CCDC171: variants seen among roughly 807,000 people sequenced by gnomAD.
CCDC171 encodes the protein coiled-coil domain-containing protein 171.
Under a neutral mutation model 168.2 loss-of-function variants are expected in CCDC171, and 177 were observed. The observed-to-expected ratio is 1.05, with a 90% confidence interval of 0.93 to 1.19. The LOEUF is 1.19. Ranked by LOEUF, CCDC171 falls within the 50% of genes most tolerant of loss-of-function variation. The pLI, the probability that CCDC171 is intolerant of heterozygous loss-of-function variation, is 0.00. For synonymous variants in CCDC171, 687 were observed against 540.8 expected, an observed-to-expected ratio of 1.27 and a Z score of -3.75; for missense variants, 1,991 against 1,539.0, an observed-to-expected ratio of 1.29 and a Z score of -4.91.
At chr9:15,614,882 A>G (rs943272066) in intron 6 of CCDC171, among the ~76,000 whole-genome samples, 4 of 152,212 alleles carry the variant, frequency 2.6e-5, no homozygotes, top group Non-Finnish European at 2.9e-5. Flanking sequence ...AGTAGAAAAT[A>G]GAAAAGCTGA....
chr9:16,048,035 T>C (rs1264810639), intron 1 of CCDC171, among the ~76,000 whole-genome samples: 2 of 152,178 alleles, frequency 1.3e-5, no homozygotes, highest in African/African-American at 4.8e-5. Context: ...CAGTGGCAAG[T>C]TGGCTCAAAG....
chr9:15,807,613 C>T (rs2059138997), intron 21 of CCDC171, among the ~76,000 whole-genome samples: 1 of 151,984 alleles, frequency 6.6e-6, no homozygotes, highest in South Asian at 2.1e-4. Flanking sequence ...CTGGAAATTG[C>T]TTACTACTTT....
At chr9:16,079,025 T>G in the CCDC171 span, among the ~76,000 whole-genome samples, 8 of 152,228 alleles carry the variant, frequency 5.3e-5, no homozygotes, top group African/African-American at 1.9e-4. Context: ...AATGGTTAAA[T>G]TGCTTTGTAC....
At chr9:15,760,689 A>C (rs911636658) in intron 18 of CCDC171, among the ~76,000 whole-genome samples, 4 of 152,126 alleles carry the variant, frequency 2.6e-5, no homozygotes, top group Non-Finnish European at 4.4e-5. Context: ...TTACCTTTTC[A>C]TGAAACAGGA....
chr9:15,608,642 A>G (rs1429203157), intron 6 of CCDC171, among the ~76,000 whole-genome samples: 1 of 151,674 alleles, frequency 6.6e-6, no homozygotes, highest in Non-Finnish European at 1.5e-5. Context: ...ATTTTTGGGT[A>G]TATTTTTATT....
chr9:15,788,493 A>G (rs886499626), intron 21 of CCDC171, among the ~76,000 whole-genome samples: 1 of 26,522 alleles, frequency 3.8e-5, no homozygotes, highest in African/African-American at 9.9e-5. Flanking sequence ...AGTAGAAGAT[A>G]TGGATACAGA....
chr9:16,037,890 G>A (rs75312799), upstream of CCDC171, among the ~76,000 whole-genome samples: 2,238 of 151,890 alleles, frequency 0.015, 50 homozygotes, highest in African/African-American at 0.052. Flanking sequence ...TATTCAGAGA[G>A]AAAAAAGACT....
At chr9:15,945,010 T>A (rs1828176178) in intron 25 of CCDC171, among the ~76,000 whole-genome samples, 1 of 151,996 alleles carries the variant, frequency 6.6e-6, no homozygotes, top group Non-Finnish European at 1.5e-5. Context: ...TAGGTATATC[T>A]CCCAATGCTA....
At chr9:15,588,373 GA>G in intron 4 of CCDC171, 1 of 253,906 alleles carries the variant, frequency 3.9e-6, no homozygotes, top group South Asian at 5.0e-5. Flanking sequence ...GAGAAAGCCT[GA>G]AGGGGATGCT....
the CCDC171 span, among the ~76,000 whole-genome samples, chr9:16,074,345 G>T: frequency 1.3e-5 from 2 of 152,292 alleles, no homozygotes; most frequent in East Asian, 1.9e-4. Context: ...GAAGTTTTAT[G>T]GGGAGTGGGC....
intron 11 of CCDC171, among the ~76,000 whole-genome samples, chr9:15,709,115 G>A (rs2052466156): frequency 6.6e-6 from 1 of 152,036 alleles, no homozygotes; most frequent in African/African-American, 2.4e-5. Context: ...GAAGCTATTT[G>A]GCATCCACAG....
intron 1 of CCDC171, among the ~76,000 whole-genome samples, chr9:15,562,589 C>G (rs1033460359): frequency 6.6e-6 from 1 of 152,114 alleles, no homozygotes; most frequent in Non-Finnish European, 1.5e-5. Flanking sequence ...CTCTACTTGC[C>G]ACACTTCTCT....
At chr9:15,572,949 A>C (rs1055580900) in intron 3 of CCDC171, among the ~76,000 whole-genome samples, 1 of 152,206 alleles carries the variant, frequency 6.6e-6, no homozygotes, top group South Asian at 2.1e-4. Context: ...ACTTGAAGTC[A>C]GGAGTTCGAG....
intron 21 of CCDC171, among the ~76,000 whole-genome samples, chr9:15,807,460 G>T (rs1401124106): frequency 6.6e-6 from 1 of 152,146 alleles, no homozygotes; most frequent in Non-Finnish European, 1.5e-5. Context: ...GACGGGGATA[G>T]AATAACCTTT....
intron 9 of CCDC171, among the ~76,000 whole-genome samples, chr9:15,670,673 G>A (rs993733444): frequency 6.6e-6 from 1 of 151,806 alleles, no homozygotes; most frequent in South Asian, 2.1e-4. Flanking sequence ...ATATTTTTGG[G>A]TTCAGCATAC....
At position 15,784,582 on chromosome 9, in the gene CCDC171, C is replaced by A; in HGVS notation, c.3155C>A (p.Ala1052Glu). The change falls in exon 21 of 26, where the codon GCA (alanine) becomes GAA (glutamate). Residue 1052 changes from alanine (A) to glutamate (E), a missense_variant. Ala to Glu is a moderately radical substitution (Grantham distance 107). Transcript: ENST00000380701. ...AATGCATTACTTCGGGAAGAGCAGG[C>A]ACAAATGCTATTGAATGAACAGGCA... ...LNNALLREEQ[A>E]QMLLNEQAQQ... The A allele has an allele frequency of 6.2e-7, 1 of 1,612,854 alleles. No homozygotes were observed. Among genetic ancestry groups the A allele is most frequent in the South Asian group, 1.1e-5 (1 of 91,018 alleles).
At chr9:15,579,766 A>T (rs966924643) in intron 4 of CCDC171, among the ~76,000 whole-genome samples, 5 of 152,160 alleles carry the variant, frequency 3.3e-5, no homozygotes, top group African/African-American at 1.2e-4. Flanking sequence ...TTTTTCCTCC[A>T]ACATTATGTT....
the CCDC171 span, among the ~76,000 whole-genome samples, chr9:16,092,890 C>T: frequency 6.6e-6 from 1 of 152,210 alleles, no homozygotes; most frequent in Admixed American, 6.5e-5. Context: ...GTAGCAGAGC[C>T]TCGTGCCCGG....
At chr9:15,624,256 G>C (rs2044836709) in intron 7 of CCDC171, among the ~76,000 whole-genome samples, 1 of 152,018 alleles carries the variant, frequency 6.6e-6, no homozygotes, top group African/African-American at 2.4e-5. Context: ...ATTGACACTA[G>C]TAAAAACATT....
Sources: gnomAD v4.1 joint callset for allele counts (sites outside exome capture counted in the v4.1 genomes callset) on GRCh38, gnomAD v4.1.1 for gene constraint, MANE v1.5 for transcripts, NCBI Gene and HGNC (gene_info 2026-07-23, HGNC 2026-07-21) for gene names.